Variants in NCK2 observed in about 807,000 individuals in gnomAD.
NCK2 encodes cytoplasmic protein NCK2.
In NCK2, 16 loss-of-function variants were observed where a neutral mutation model predicts 33.9. That is an observed-to-expected ratio of 0.47 (90% CI 0.32 to 0.72). NCK2 has a LOEUF of 0.72. Ranked by LOEUF, NCK2 falls within the 30% of genes least tolerant of loss-of-function variation. The probability of loss-of-function intolerance (pLI) is 0.03; values close to 1 mark genes in which losing one functional copy is unlikely to be tolerated. For synonymous variants in NCK2, 273 were observed against 239.9 expected (o/e 1.14, Z -1.27); for missense variants, 418 against 537.3 (o/e 0.78, Z 2.19).
chr2:105,759,071 G>A (rs1408491390), intron 1 of NCK2, among the ~76,000 whole-genome samples: 2 of 152,142 alleles, frequency 1.3e-5, no homozygotes, highest in African/African-American at 4.8e-5. Context: ...TGTTTTGAAT[G>A]AACTTAATTT....
intron 2 of NCK2, among the ~76,000 whole-genome samples, chr2:105,838,231 C>T (rs1428383824): frequency 2.6e-5 from 4 of 151,584 alleles, no homozygotes; most frequent in African/African-American, 4.9e-5. Flanking sequence ...TTTCAATGTT[C>T]AGCAGCATAT....
chr2:105,758,076 A>G (rs962326132), intron 1 of NCK2, among the ~76,000 whole-genome samples: 1 of 152,222 alleles, frequency 6.6e-6, no homozygotes, highest in Non-Finnish European at 1.5e-5. Context: ...TGTGAACTCT[A>G]CTTACATGTT....
At chr2:105,779,949 C>T (rs996009478) in intron 1 of NCK2, among the ~76,000 whole-genome samples, 1 of 152,158 alleles carries the variant, frequency 6.6e-6, no homozygotes, top group Non-Finnish European at 1.5e-5. Context: ...TATCCACATA[C>T]TTCACAGCTC....
At position 105,864,681 on chromosome 2, in the gene NCK2, G is replaced by C. The variant is rs561828203; in HGVS notation, c.226+9392G>C. Among the ~76,000 whole-genome samples, 180 of 152,158 alleles carry C rather than the reference G, an allele frequency of 1.2e-3. 1 individual carries two copies. Among genetic ancestry groups the C allele is most frequent in the African/African-American group, 4.2e-3 (174 of 41,504 alleles). ...ACCTCGGAGAGCTGGCACTTCTGAG[G>C]CAGCTGATTAGGTACCTCAGCCAGG... On this transcript the variant is annotated intron_variant, in intron 3 of 4. Coordinates refer to ENST00000233154, the MANE Select transcript of NCK2 (RefSeq NM_003581.5).
intron 2 of NCK2, among the ~76,000 whole-genome samples, chr2:105,834,827 A>T (rs1201008396): frequency 1.3e-5 from 2 of 151,824 alleles, no homozygotes; most frequent in Non-Finnish European, 2.9e-5. Context: ...GATGTGTGCT[A>T]CCATGTCTGG....
chr2:105,809,225 T>C (rs1199324692), intron 1 of NCK2, among the ~76,000 whole-genome samples: 2 of 152,196 alleles, frequency 1.3e-5, no homozygotes, highest in African/African-American at 4.8e-5. Flanking sequence ...TCCTTGCATT[T>C]GCTCACACAA....
intron 1 of NCK2, among the ~76,000 whole-genome samples, chr2:105,769,644 T>C (rs1431416515): frequency 1.3e-5 from 2 of 151,982 alleles, no homozygotes; most frequent in Non-Finnish European, 2.9e-5. Flanking sequence ...GAGGGAACCA[T>C]GGGGTAATTA....
At chr2:105,753,580 G>T (rs1485157208) in intron 1 of NCK2, among the ~76,000 whole-genome samples, 1 of 152,174 alleles carries the variant, frequency 6.6e-6, no homozygotes, top group African/African-American at 2.4e-5. Context: ...GTAGCTGTGT[G>T]GTGGGTCCCC....
intron 3 of NCK2, among the ~76,000 whole-genome samples, chr2:105,873,732 C>T (rs1301035919): frequency 2.6e-5 from 4 of 152,100 alleles, no homozygotes; most frequent in African/African-American, 4.8e-5. Flanking sequence ...AAAAAGAAAA[C>T]GAAAAGTTGG....
At chr2:105,774,020 T>TTA (rs72078626) in intron 1 of NCK2, among the ~76,000 whole-genome samples, 1 of 151,458 alleles carries the variant, frequency 6.6e-6, no homozygotes, top group African/African-American at 2.4e-5. Flanking sequence ...TCTTTTTTTT[T>TTA]TTTTTTGAGA....
chr2:105,867,643 G>GT (rs1457442093), intron 3 of NCK2, among the ~76,000 whole-genome samples: 2 of 152,222 alleles, frequency 1.3e-5, no homozygotes, highest in African/African-American at 4.8e-5. Flanking sequence ...CAGGTGTGGA[G>GT]TTCACAGTGG....
At chr2:105,771,340 GTGGATCACC>G (rs1193068712) in intron 1 of NCK2, among the ~76,000 whole-genome samples, 2 of 152,140 alleles carry the variant, frequency 1.3e-5, no homozygotes, top group Admixed American at 6.5e-5. Flanking sequence ...GCTGAGGCAG[GTGGATCACC>G]TGAGGTCAGG....
At chr2:105,765,481 G>A (rs1434584184) in intron 1 of NCK2, among the ~76,000 whole-genome samples, 1 of 152,132 alleles carries the variant, frequency 6.6e-6, no homozygotes, top group African/African-American at 2.4e-5. Flanking sequence ...TCCCTTCTTT[G>A]AAGGGACTCC....
chr2:105,763,917 G>A (rs1689847562), intron 1 of NCK2, among the ~76,000 whole-genome samples: 2 of 152,238 alleles, frequency 1.3e-5, no homozygotes, highest in Admixed American at 1.3e-4. Flanking sequence ...ATGATGGACT[G>A]TGTGAAGGTA....
intron 4 of NCK2, among the ~76,000 whole-genome samples, chr2:105,886,443 C>T (rs922496869): frequency 1.3e-5 from 2 of 152,200 alleles, no homozygotes; most frequent in Non-Finnish European, 2.9e-5. Context: ...TGCAGATTGC[C>T]CCAGCTTGCT....
At chr2:105,744,717 CG>C (rs1468804187), upstream of NCK2, among the ~76,000 whole-genome samples, 1 of 151,032 alleles carries the variant, frequency 6.6e-6, no homozygotes, top group African/African-American at 2.4e-5. Flanking sequence ...CTGGCGACGA[CG>C]GGGGGCGCCC....
chr2:105,791,244 G>T (rs1690870980), intron 1 of NCK2, among the ~76,000 whole-genome samples: 1 of 152,196 alleles, frequency 6.6e-6, no homozygotes, highest in Admixed American at 6.5e-5. Flanking sequence ...AGAGAATGTT[G>T]ATTCATCTAG....
chr2:105,788,080 C>T (rs938129740), intron 1 of NCK2, among the ~76,000 whole-genome samples: 8 of 152,154 alleles, frequency 5.3e-5, no homozygotes, highest in African/African-American at 1.9e-4. Context: ...AGGGTGCTAG[C>T]TTTGAAAAAG....
At chr2:105,842,888 G>C (rs1238300466) in intron 2 of NCK2, among the ~76,000 whole-genome samples, 2 of 151,818 alleles carry the variant, frequency 1.3e-5, no homozygotes. Flanking sequence ...ACCAGTGGGT[G>C]GTGGGGTGGG....
Sources: gnomAD v4.1 joint callset for allele counts (sites outside exome capture counted in the v4.1 genomes callset) on GRCh38, gnomAD v4.1.1 for gene constraint, MANE v1.5 for transcripts, NCBI Gene and HGNC (gene_info 2026-07-23, HGNC 2026-07-21) for gene names.